Variants in ZNRF3 observed in about 807,000 individuals in gnomAD.
ZNRF3 encodes E3 ubiquitin-protein ligase ZNRF3.
In ZNRF3, 23 loss-of-function variants were observed where a neutral mutation model predicts 72.5. The observed-to-expected ratio is 0.32, with a 90% CI of 0.23 to 0.45. The LOEUF is 0.45. Ranked by LOEUF, ZNRF3 falls within the 20% of genes least tolerant of loss-of-function variation. The pLI is 1.00. For missense variants in ZNRF3, 1,169 were observed against 1,272.1 expected (o/e 0.92, Z 1.23); for synonymous variants, 610 against 545.3 (o/e 1.12, Z -1.65).
At chr22:28,989,826 G>A (rs991178112) in intron 2 of ZNRF3, among the ~76,000 whole-genome samples, 3 of 152,114 alleles carry the variant, frequency 2.0e-5, no homozygotes, top group African/African-American at 2.4e-5. Flanking sequence ...AATGCCACAG[G>A]GTGAAACCTT....
At chr22:29,011,182 G>T (rs558731872) in intron 2 of ZNRF3, among the ~76,000 whole-genome samples, 5 of 152,314 alleles carry the variant, frequency 3.3e-5, no homozygotes, top group Admixed American at 1.3e-4. Context: ...GAAAGGAAAA[G>T]AATTCTTGCT....
At chr22:28,957,172 A>G (rs932193055) in intron 1 of ZNRF3, among the ~76,000 whole-genome samples, 2 of 152,188 alleles carry the variant, frequency 1.3e-5, no homozygotes, top group African/African-American at 2.4e-5. Flanking sequence ...TACTTCTTAC[A>G]TTCTGTCTTT....
chr22:29,015,496 C>G (rs1269586002), intron 2 of ZNRF3, among the ~76,000 whole-genome samples: 1 of 151,920 alleles, frequency 6.6e-6, no homozygotes, highest in Non-Finnish European at 1.5e-5. Flanking sequence ...ATGGCGAAAC[C>G]CTGTCTCTAC....
At position 29,053,359 on chromosome 22, in the gene ZNRF3, G is replaced by A. The variant is rs2037241747; in HGVS notation, c.2768-220G>A. Among the ~76,000 whole-genome samples, 4 of 152,326 alleles carry A rather than the reference G, an allele frequency of 2.6e-5. No homozygotes were observed. The South Asian group carries it at 6.2e-4, about 24-fold the overall frequency. The stretch of plus-strand genomic sequence containing the variant: ...TATTGGGCTTTCGTGCTACCTGAGG[G>A]CTTCTAGAAAGCTCTCTACATCCAA... On this transcript the variant is annotated intron_variant, in intron 8 of 8. Coordinates refer to ENST00000544604, the MANE Select transcript of ZNRF3 (RefSeq NM_001206998.2).
At chr22:28,977,685 A>G (rs1016059267) in intron 1 of ZNRF3, among the ~76,000 whole-genome samples, 10 of 152,178 alleles carry the variant, frequency 6.6e-5, no homozygotes, top group African/African-American at 1.9e-4. Flanking sequence ...TCGTCCTCCT[A>G]TTAGTTTAGT....
At chr22:29,034,999 CTTTTTT>C (rs10607848) in intron 2 of ZNRF3, among the ~76,000 whole-genome samples, 3 of 131,220 alleles carry the variant, frequency 2.3e-5, no homozygotes, top group Admixed American at 7.7e-5. Flanking sequence ...TTTGTTAGAC[CTTTTTT>C]TTTTTTTTTT....
intron 1 of ZNRF3, among the ~76,000 whole-genome samples, chr22:28,938,579 C>T (rs1000988273): frequency 3.3e-5 from 5 of 152,074 alleles, no homozygotes; most frequent in Admixed American, 6.6e-5. Context: ...AAACTTTTGA[C>T]GACTTTCTAG....
intron 2 of ZNRF3, among the ~76,000 whole-genome samples, chr22:29,040,243 G>T (rs1024679337): frequency 6.6e-6 from 1 of 151,672 alleles, no homozygotes; most frequent in East Asian, 1.9e-4. Context: ...GCCGTGGTGC[G>T]ATCTCGGCTC....
chr22:29,040,043 T>C (rs1669980673), intron 2 of ZNRF3, among the ~76,000 whole-genome samples: 1 of 152,128 alleles, frequency 6.6e-6, no homozygotes, highest in Non-Finnish European at 1.5e-5. Context: ...CAGCATCCTC[T>C]CTTCCTGGAG....
intron 2 of ZNRF3, among the ~76,000 whole-genome samples, chr22:29,020,273 T>TC (rs1006715319): frequency 7.3e-4 from 98 of 133,358 alleles, no homozygotes; most frequent in Non-Finnish European, 1.2e-3. Context: ...TTTTTTTTTT[T>TC]CCCCCAAGAC....
At chr22:29,007,142 T>A (rs1300450644) in intron 2 of ZNRF3, among the ~76,000 whole-genome samples, 1 of 152,152 alleles carries the variant, frequency 6.6e-6, no homozygotes, top group Admixed American at 6.5e-5. Flanking sequence ...ACGTGTGTGG[T>A]CATGCAGCTG....
intron 2 of ZNRF3, among the ~76,000 whole-genome samples, chr22:28,990,156 G>A (rs970056923): frequency 2.0e-5 from 3 of 152,224 alleles, no homozygotes; most frequent in Admixed American, 6.5e-5. Context: ...AGGCATGGGC[G>A]CATCTCTCCA....
At chr22:29,036,430 T>C (rs183064209) in intron 2 of ZNRF3, among the ~76,000 whole-genome samples, 2 of 152,358 alleles carry the variant, frequency 1.3e-5, no homozygotes, top group Admixed American at 6.5e-5. Flanking sequence ...TATTTGACTC[T>C]AAAGTGTCTT....
chr22:28,903,332 AG>A (rs1250096627), intron 1 of ZNRF3, among the ~76,000 whole-genome samples: 3 of 152,140 alleles, frequency 2.0e-5, no homozygotes, highest in African/African-American at 7.2e-5. Context: ...CGAGGAAAGG[AG>A]GGTGCTGATT....
In ZNRF3 at chr22:29,038,917, A is replaced by T. The variant is rs978876143; in HGVS notation, c.427-3578A>T. The stretch of plus-strand genomic sequence containing the variant: ...AGATCCTGTGCCTTTGCCTGGTTGT[A>T]TTGGAAGTCAAGCTGTAAATGGAAT... On this transcript the variant is annotated intron_variant, in intron 2 of 8. Transcript: ENST00000544604. Among the ~76,000 whole-genome samples the T allele has an allele frequency of 3.9e-4, 59 of 152,018 alleles. 1 individual carries two copies. The highest frequency in any genetic ancestry group is 2.6e-3 in the Admixed American group (40 of 15,240).
intron 1 of ZNRF3, among the ~76,000 whole-genome samples, chr22:28,885,907 C>G (rs1424290508): frequency 6.7e-6 from 1 of 148,738 alleles, no homozygotes; most frequent in Admixed American, 6.7e-5. Flanking sequence ...TTATCTAACT[C>G]TTTTGTAGTC....
intron 2 of ZNRF3, among the ~76,000 whole-genome samples, chr22:29,024,827 A>G (rs16986990): frequency 0.026 from 3,912 of 152,272 alleles, 81 homozygotes; most frequent in African/African-American, 0.057. Flanking sequence ...TCAGTAAACC[A>G]TAGTGACTGC....
chr22:28,979,894 A>G (rs1479799055), intron 1 of ZNRF3, among the ~76,000 whole-genome samples: 1 of 152,238 alleles, frequency 6.6e-6, no homozygotes, highest in Non-Finnish European at 1.5e-5. Context: ...AGAATCAAAA[A>G]GTATTAGTTC....
chr22:28,926,376 T>C (rs759461663), intron 1 of ZNRF3, among the ~76,000 whole-genome samples: 7 of 151,666 alleles, frequency 4.6e-5, no homozygotes, highest in Non-Finnish European at 1.5e-5. Context: ...GATGGGGGGG[T>C]CTCTCTATGT....
Sources: allele counts gnomAD v4.1 joint callset (sites outside exome capture counted in the v4.1 genomes callset), GRCh38; gene constraint gnomAD v4.1.1; transcripts MANE v1.5; gene names NCBI Gene and HGNC (gene_info 2026-07-23, HGNC 2026-07-21).